RBFOX1: variants seen among roughly 807,000 people sequenced by gnomAD.
RBFOX1 encodes the protein RNA binding protein fox-1 homolog 1.
Under a neutral mutation model 57.7 loss-of-function variants are expected in RBFOX1, and 8 were observed. That is an observed-to-expected ratio of 0.14 (90% CI 0.08 to 0.25). RBFOX1 has a LOEUF of 0.25. RBFOX1 is among the 10% of genes least tolerant of loss of function. The pLI is 1.00. For missense variants in RBFOX1, 611 were observed against 548.5 expected (o/e 1.11, Z -1.14); for synonymous variants, 326 against 222.4 (o/e 1.47, Z -4.15).
Position 7,712,888 on chromosome 16 carries a change from T to C in RBFOX1, c.*2143T>C, listed in dbSNP as rs901958518. 2.0e-5 allele frequency: 3 copies of C among 152,260 alleles called. No individual in the cohort carries two copies. Among genetic ancestry groups the C allele is most frequent in the Admixed American group, 6.5e-5 (1 of 15,288 alleles). The allele number at this position is 152,260 out of a possible 1,614,324, so 9.4% of individuals were successfully genotyped here. A position where few individuals can be genotyped will look rare whatever the true frequency, so the allele number is the denominator to read the frequency against. Reference sequence around the variant, plus strand: ...CGAATCACAAACATAGAATTCTTACTGTGTTGGTTAAAGTAAAATTCATTT... The same window carrying C: ...CGAATCACAAACATAGAATTCTTACCGTGTTGGTTAAAGTAAAATTCATTT... On this transcript the variant is annotated 3_prime_UTR_variant, in exon 16 of 16. Coordinates refer to ENST00000550418, the MANE Select transcript of RBFOX1 (RefSeq NM_018723.4).
intron 4 of RBFOX1, among the ~76,000 whole-genome samples, chr16:7,166,835 G>A (rs1039693207): frequency 3.9e-5 from 6 of 152,182 alleles, no homozygotes; most frequent in Admixed American, 1.3e-4. Flanking sequence ...CCCAGGTTGT[G>A]AAACAACTCG....
chr16:6,114,360 G>A lies in RBFOX1; in HGVS notation c.-127+94368G>A, dbSNP rs568856180. Among the ~76,000 whole-genome samples the A allele has an allele frequency of 5.3e-5, 8 of 152,250 alleles. No individual in the cohort carries two copies. The South Asian group carries it at 6.2e-4, about 12-fold the overall frequency. On this transcript the variant is annotated intron_variant, in intron 1 of 15. Coordinates refer to ENST00000550418, the MANE Select transcript of RBFOX1 (RefSeq NM_018723.4). ...TGCAATTAAGAATAATATCTCATGC[G>A]GCATTAAATTGTTGGACTGTCTTTG...
intron 4 of RBFOX1, among the ~76,000 whole-genome samples, chr16:7,301,966 T>C (rs571407365): frequency 3.2e-4 from 48 of 152,284 alleles, no homozygotes; most frequent in African/African-American, 1.1e-3. Flanking sequence ...GGAATTCTTA[T>C]ATTATTTGTT....
At chr16:7,424,274 A>G (rs948957480) in intron 4 of RBFOX1, among the ~76,000 whole-genome samples, 1 of 134,834 alleles carries the variant, frequency 7.4e-6, no homozygotes. Flanking sequence ...ATACATATAT[A>G]TGGGGGTGGG....
intron 3 of RBFOX1, among the ~76,000 whole-genome samples, chr16:5,785,192 C>G (rs2054459089): frequency 6.6e-6 from 1 of 152,200 alleles, no homozygotes; most frequent in African/African-American, 2.4e-5. Flanking sequence ...TATGTGGTAT[C>G]TCTTTCCCCT....
At chr16:5,443,015 A>G (rs954365541) in intron 1 of RBFOX1, among the ~76,000 whole-genome samples, 2 of 152,172 alleles carry the variant, frequency 1.3e-5, no homozygotes, top group African/African-American at 2.4e-5. Flanking sequence ...GCCTCAAGCC[A>G]AGGAGTGCCA....
intron 2 of RBFOX1, chr16:6,483,063 C>G (rs1415649719): frequency 2.2e-6 from 2 of 895,964 alleles, no homozygotes; most frequent in Non-Finnish European, 2.7e-6. Context: ...GCAGCCAGCT[C>G]GGAGCTTTGC....
chr16:5,961,478 T>TA lies in RBFOX1; in HGVS notation c.351+94151dup, dbSNP rs113757945. Reference sequence around the variant, plus strand: ...AGGTCTCCCTTTGTGCTCTTTTGTTTAAAAAAAACAAAACAAAACAAAACA... The same window carrying TA: ...AGGTCTCCCTTTGTGCTCTTTTGTTTAAAAAAAAACAAAACAAAACAAAACA... On this transcript the variant is annotated intron_variant, in intron 4 of 19. Coordinates refer to the RBFOX1 transcript ENST00000641259. Among the ~76,000 whole-genome samples, 588 of 138,090 alleles carry TA rather than the reference T, an allele frequency of 4.3e-3. 7 individuals are homozygous for TA. The highest frequency in any genetic ancestry group is 0.03 in the South Asian group (133 of 4,502). 90.6% of individuals were successfully genotyped at this position (138,090 alleles called of 152,430 possible).
At chr16:7,602,505 T>TA (rs1205838475) in intron 9 of RBFOX1, among the ~76,000 whole-genome samples, 1 of 152,200 alleles carries the variant, frequency 6.6e-6, no homozygotes, top group Non-Finnish European at 1.5e-5. Flanking sequence ...CCTGGGGACA[T>TA]ACACAAACTG....
chr16:6,019,758 C>T lies in RBFOX1; in HGVS notation c.-361C>T. On this transcript the variant is annotated 5_prime_UTR_variant, in exon 1 of 16. Coordinates refer to ENST00000550418, the MANE Select transcript of RBFOX1 (RefSeq NM_018723.4). The surrounding 1 kb of genome is among the most constrained non-coding windows in gnomAD (Gnocchi z 4.2). The stretch of plus-strand genomic sequence containing the variant: ...GATTGAGAGTCCTTGCGCTCCAGAC[C>T]CCCACCCAGTGGCCGCCAGGGTCCC... The T allele has an allele frequency of 5.7e-6, 8 of 1,402,334 alleles. No individual in the cohort carries two copies. In the South Asian group the frequency reaches 7.7e-5, roughly 14 times the overall value. The allele number at this position is 1,402,334 out of a possible 1,614,324, so 86.9% of individuals were successfully genotyped here.
chr16:7,635,067 A>G (rs1211146142), intron 11 of RBFOX1, among the ~76,000 whole-genome samples: 1 of 152,154 alleles, frequency 6.6e-6, no homozygotes, highest in Non-Finnish European at 1.5e-5. Flanking sequence ...TGTTGAGGGG[A>G]AAGGTACTAG....
At chr16:7,227,667 G>A (rs536719878) in intron 4 of RBFOX1, among the ~76,000 whole-genome samples, 1 of 152,270 alleles carries the variant, frequency 6.6e-6, no homozygotes, top group East Asian at 1.9e-4. Context: ...GGATTTGAGT[G>A]GATGGGTCCT....
At chr16:7,518,526 C>T in intron 5 of RBFOX1, 137 bp downstream of exon 5, 1 of 1,160,812 alleles carries the variant, frequency 8.6e-7, no homozygotes. Context: ...CTCATCATAC[C>T]AGCTTCCTGA....
chr16:5,337,342 G>C (rs1355977048), intron 1 of RBFOX1, among the ~76,000 whole-genome samples: 1 of 152,160 alleles, frequency 6.6e-6, no homozygotes, highest in Non-Finnish European at 1.5e-5. Context: ...TCTCCTGGTG[G>C]GTATTGGTGA....
At chr16:6,696,557 C>G (rs943039424) in intron 3 of RBFOX1, among the ~76,000 whole-genome samples, 1 of 152,044 alleles carries the variant, frequency 6.6e-6, no homozygotes. Flanking sequence ...AGGTTTAATT[C>G]GAGTAATTTA....
At chr16:6,102,467 C>T (rs1394934514) in intron 1 of RBFOX1, among the ~76,000 whole-genome samples, 2 of 152,116 alleles carry the variant, frequency 1.3e-5, no homozygotes, top group Admixed American at 6.5e-5. Flanking sequence ...TTGAATTGCA[C>T]GTCAACGGCT....
At chr16:6,565,704 G>C (rs922841470) in intron 2 of RBFOX1, among the ~76,000 whole-genome samples, 3 of 152,126 alleles carry the variant, frequency 2.0e-5, no homozygotes, top group Non-Finnish European at 4.4e-5. Context: ...TCCTGACCTC[G>C]TGATCCGCCC....
At chr16:6,843,952 G>A (rs2093626792) in intron 3 of RBFOX1, among the ~76,000 whole-genome samples, 1 of 152,134 alleles carries the variant, frequency 6.6e-6, no homozygotes, top group Admixed American at 6.6e-5. Flanking sequence ...GAAATCACAA[G>A]GCTTGCTTGG....
chr16:5,424,984 T>TTTTTTTCTTTC (rs2067497409), intron 1 of RBFOX1, among the ~76,000 whole-genome samples: 2 of 68,918 alleles, frequency 2.9e-5, no homozygotes, highest in African/African-American at 1.3e-4. Context: ...CTTTCTTTTC[T>TTTTTTTCTTTC]TTTCTTTTCT....
Sources: allele counts gnomAD v4.1 joint callset (sites outside exome capture counted in the v4.1 genomes callset), GRCh38; gene constraint gnomAD v4.1.1; non-coding constraint Gnocchi (gnomAD v3.1); transcripts MANE v1.5; gene names NCBI Gene and HGNC (gene_info 2026-07-23, HGNC 2026-07-21).